Variants in SLC30A6 observed in about 807,000 individuals in gnomAD.
SLC30A6 encodes solute carrier family 30 member 6.
SLC30A6 carries 55 observed loss-of-function variants against 63.0 expected under a neutral mutation model. The ratio of observed to expected loss-of-function variants is 0.87; its 90% CI spans 0.70 to 1.09. SLC30A6 has a LOEUF of 1.09. Ranked by LOEUF, SLC30A6 falls within the 50% of genes least tolerant of loss-of-function variation. SLC30A6 has a pLI of 0.00. For missense variants in SLC30A6, 587 were observed against 549.2 expected (o/e 1.07, Z -0.69); for synonymous variants, 224 against 186.1 (o/e 1.20, Z -1.66).
At chr2:32,203,978 G>A (rs1037898154) in intron 10 of SLC30A6, 2 of 742,122 alleles carry the variant, frequency 2.7e-6, no homozygotes, top group Admixed American at 2.3e-5. Context: ...TCAAGAAGTG[G>A]GAGCCACAAA....
At chr2:32,174,247 G>GTA (rs1056827501) in intron 3 of SLC30A6, 100 bp downstream of exon 3, 109 of 762,514 alleles carry the variant, frequency 1.4e-4, no homozygotes, top group Non-Finnish European at 1.6e-4. Context: ...ATTCTGAAAT[G>GTA]TATATAACTC....
chr2:32,172,229 A>C (rs957681827), intron 2 of SLC30A6, among the ~76,000 whole-genome samples: 2 of 152,218 alleles, frequency 1.3e-5, no homozygotes, highest in African/African-American at 4.8e-5. Context: ...ACTTTTAAGT[A>C]AAGCCAGCTT....
intron 12 of SLC30A6, 85 bp from the exon 13 acceptor site, chr2:32,209,408 T>TTTA: frequency 9.2e-7 from 1 of 1,086,326 alleles, no homozygotes; most frequent in Admixed American, 2.5e-5. Context: ...CATTCTTAAG[T>TTTA]TTAAACTAAG....
chr2:32,175,707 G>A (rs1419450898), intron 4 of SLC30A6, among the ~76,000 whole-genome samples: 1 of 152,158 alleles, frequency 6.6e-6, no homozygotes, highest in Non-Finnish European at 1.5e-5. Context: ...CAGGTGGGGC[G>A]GCTCATGCCT....
At position 32,179,523 on chromosome 2, in the gene SLC30A6, A is replaced by AG. The variant is rs572441736; in HGVS notation, c.218+4165dup. On this transcript the variant is annotated intron_variant, in intron 4 of 13. Transcript: ENST00000282587. The stretch of plus-strand genomic sequence containing the variant: ...CCAGAGTTACTGATTCAGGAGGCCT[A>AG]GGGTAGGACCCAAGAATTTGCATTT... Among the ~76,000 whole-genome samples the AG allele has an allele frequency of 1.5e-4, 23 of 152,330 alleles. No individual in the cohort carries two copies. The South Asian group carries it at 4.8e-3, about 32-fold the overall frequency.
intron 11 of SLC30A6, among the ~76,000 whole-genome samples, chr2:32,206,634 T>C (rs1684799799): frequency 6.6e-6 from 1 of 152,188 alleles, no homozygotes; most frequent in Non-Finnish European, 1.5e-5. Flanking sequence ...AAAGATTTTT[T>C]GTTGGTTGGT....
intron 12 of SLC30A6, among the ~76,000 whole-genome samples, chr2:32,208,941 A>G (rs1228055933): frequency 1.3e-5 from 2 of 152,224 alleles, no homozygotes; most frequent in Non-Finnish European, 2.9e-5. Context: ...CACTTTTACC[A>G]GTATAACTGG....
intron 12 of SLC30A6, among the ~76,000 whole-genome samples, chr2:32,208,734 G>A (rs1685003293): frequency 6.6e-6 from 1 of 151,810 alleles, no homozygotes; most frequent in African/African-American, 2.4e-5. Flanking sequence ...GGCTGGACTC[G>A]AACTCCTGGC....
At chr2:32,202,716 G>C in intron 10 of SLC30A6, 1 of 685,748 alleles carries the variant, frequency 1.5e-6, no homozygotes, top group Non-Finnish European at 2.7e-6. Context: ...ACAAGTTGAA[G>C]ATATTATTCA....
rs113672791 is a variant in SLC30A6, at chr2:32,209,429, G to A, written c.817-64G>A. On this transcript the variant is annotated intron_variant, in intron 12 of 13. Coordinates refer to ENST00000282587, the MANE Select transcript of SLC30A6 (RefSeq NM_017964.5). Reference sequence around the variant, plus strand: ...TAAGTTTAAACTAAGTCCATAATGTGACTAAACTGCATTGGATATGTTAAG... The same window carrying A: ...TAAGTTTAAACTAAGTCCATAATGTAACTAAACTGCATTGGATATGTTAAG... 11 of 1,306,684 alleles carry A rather than the reference G, an allele frequency of 8.4e-6. No individual in the cohort carries two copies. In the African/African-American group the frequency reaches 1.5e-4, roughly 18 times the overall value. 80.9% of individuals were successfully genotyped at this position (1,306,684 alleles called of 1,614,324 possible).
intron 10 of SLC30A6, among the ~76,000 whole-genome samples, chr2:32,198,554 T>C (rs866800425): frequency 6.6e-6 from 1 of 152,212 alleles, no homozygotes; most frequent in Non-Finnish European, 1.5e-5. Flanking sequence ...TGCATTCTTA[T>C]TTTAAATTGC....
intron 5 of SLC30A6, among the ~76,000 whole-genome samples, chr2:32,190,792 T>G (rs1270101232): frequency 1.3e-5 from 2 of 152,054 alleles, no homozygotes; most frequent in African/African-American, 4.8e-5. Context: ...GCCCAGCTAA[T>G]TTTTTGTATT....
Position 32,221,592 on chromosome 2 carries a change from G to C in SLC30A6, c.*879G>C, listed in dbSNP as rs1003316381. 3 of 152,090 alleles carry C rather than the reference G, an allele frequency of 2.0e-5. No homozygotes were observed. The highest frequency in any genetic ancestry group is 2.0e-4 in the Admixed American group (3 of 15,260). The allele number at this position is 152,090 out of a possible 1,614,324, so 9.4% of individuals were successfully genotyped here. On this transcript the variant is annotated 3_prime_UTR_variant, in exon 14 of 14. Coordinates refer to ENST00000282587, the MANE Select transcript of SLC30A6 (RefSeq NM_017964.5). ...ACTTAATTGCTAAATTTTTCTTTGAGGTTCTCCTGAATTATGTCTTACAAA... is the reference window on the plus strand; with the variant it reads ...ACTTAATTGCTAAATTTTTCTTTGACGTTCTCCTGAATTATGTCTTACAAA...
At chr2:32,193,150 A>G (rs972153696) in intron 7 of SLC30A6, among the ~76,000 whole-genome samples, 197 bp downstream of exon 7, 2 of 152,144 alleles carry the variant, frequency 1.3e-5, no homozygotes, top group African/African-American at 4.8e-5. Context: ...ATATTTTTAT[A>G]CTACACAGGA....
intron 10 of SLC30A6, chr2:32,203,893 G>T: frequency 1.1e-6 from 1 of 922,262 alleles, no homozygotes; most frequent in Non-Finnish European, 1.8e-6. Context: ...CAGCCGGTCA[G>T]TTAGACAGAG....
In SLC30A6 at chr2:32,171,923, A is replaced by G. The variant is rs182177518; in HGVS notation, c.90+550A>G. ...TGGTCAGGCTGATCTCGAACTCCCG[A>G]CCTCAGGTGATCCGCCCACCTCGGC... On this transcript the variant is annotated intron_variant, in intron 2 of 13. Transcript: ENST00000282587. 3.7e-4 allele frequency among the ~76,000 whole-genome samples: 56 copies of G among 152,150 alleles called. No homozygotes were observed. In the East Asian group the frequency reaches 0.011, roughly 29 times the overall value.
At chr2:32,186,678 C>T (rs1443746632) in intron 5 of SLC30A6, among the ~76,000 whole-genome samples, 7 of 149,694 alleles carry the variant, frequency 4.7e-5, no homozygotes, top group African/African-American at 1.7e-4. Flanking sequence ...GGTGACAGAG[C>T]GAGACTCTGT....
rs1224039319 is a variant in SLC30A6 at position 32,223,918 on chromosome 2, A to G, written c.*3205A>G. 2 of 152,226 alleles carry G rather than the reference A, an allele frequency of 1.3e-5. No individual in the cohort carries two copies. The highest frequency in any genetic ancestry group is 2.9e-5 in the Non-Finnish European group (2 of 68,088). The allele number at this position is 152,226 out of a possible 1,614,324, so 9.4% of individuals were successfully genotyped here. On this transcript the variant is annotated 3_prime_UTR_variant, in exon 14 of 14. Transcript: ENST00000282587. Reference sequence around the variant, plus strand: ...TGGAATTACATATAATGTAGCAGGTACTGGAGAGGACCTGAATTTCAAGCT... The same window carrying G: ...TGGAATTACATATAATGTAGCAGGTGCTGGAGAGGACCTGAATTTCAAGCT...
intron 9 of SLC30A6, 111 bp downstream of exon 9, chr2:32,197,503 C>A: frequency 2.4e-6 from 3 of 1,258,102 alleles, no homozygotes; most frequent in Non-Finnish European, 2.3e-6. Context: ...GTGAATCACA[C>A]AGGTCAGATT....
Sources: gnomAD v4.1 joint callset for allele counts (sites outside exome capture counted in the v4.1 genomes callset) on GRCh38, gnomAD v4.1.1 for gene constraint, MANE v1.5 for transcripts, NCBI Gene and HGNC (gene_info 2026-07-23, HGNC 2026-07-21) for gene names.